The following RPS6KA2 variants were observed in gnomAD, a reference collection of about 807,000 sequenced individuals.
The protein encoded by RPS6KA2 is ribosomal protein S6 kinase alpha-2.
RPS6KA2 carries 42 observed loss-of-function variants against 91.8 expected under a neutral mutation model. The ratio of observed to expected loss-of-function variants is 0.46; its 90% CI spans 0.36 to 0.59. The LOEUF is 0.59. RPS6KA2 is among the 20% of genes least tolerant of loss of function. The pLI, the probability that RPS6KA2 is intolerant of heterozygous loss-of-function variation, is 0.00. For missense variants in RPS6KA2, 798 were observed against 978.5 expected (o/e 0.82, Z 2.46); for synonymous variants, 414 against 393.6 (o/e 1.05, Z -0.61).
In RPS6KA2 at chr6:166,621,112, G is replaced by T. The variant is rs377112937; in HGVS notation, c.99+5809C>A. Among the ~76,000 whole-genome samples, 13 of 152,314 alleles carry T rather than the reference G, an allele frequency of 8.5e-5. No homozygotes were observed. In the East Asian group the frequency reaches 1.5e-3, roughly 18 times the overall value. On this transcript the variant is annotated intron_variant, in intron 1 of 20. Transcript: ENST00000265678. ...GCATTCGCCGAATGGAATCAGGTAGGGCTCTCATATCAGTAGCATTCTTGG... is the reference window on the plus strand; with the variant it reads ...GCATTCGCCGAATGGAATCAGGTAGTGCTCTCATATCAGTAGCATTCTTGG...
intron 2 of RPS6KA2, among the ~76,000 whole-genome samples, chr6:166,684,573 T>G (rs543074720): frequency 1.3e-5 from 2 of 152,256 alleles, no homozygotes; most frequent in Admixed American, 1.3e-4. Context: ...TCACCTGTCC[T>G]GCATCACCAG....
At chr6:166,464,991 A>AAAT (rs1780466331) in intron 11 of RPS6KA2, among the ~76,000 whole-genome samples, 9 of 150,736 alleles carry the variant, frequency 6.0e-5, no homozygotes, top group Non-Finnish European at 8.9e-5. Context: ...TTTACTTAAA[A>AAAT]AAATAAATAA....
At chr6:166,502,735 G>C (rs1451734144) in intron 6 of RPS6KA2, among the ~76,000 whole-genome samples, 1 of 152,216 alleles carries the variant, frequency 6.6e-6, no homozygotes, top group Non-Finnish European at 1.5e-5. Flanking sequence ...AAGGAGAGGC[G>C]AAAGGGGACT....
At chr6:166,641,515 G>A (rs1438295406) in intron 2 of RPS6KA2, among the ~76,000 whole-genome samples, 2 of 151,644 alleles carry the variant, frequency 1.3e-5, no homozygotes, top group African/African-American at 2.4e-5. Flanking sequence ...CTTGAAGTCA[G>A]GAGTTCAAGA....
At chr6:166,816,946 C>T (rs1779780571) in intron 2 of RPS6KA2, among the ~76,000 whole-genome samples, 1 of 152,174 alleles carries the variant, frequency 6.6e-6, no homozygotes, top group African/African-American at 2.4e-5. Context: ...ACCAAGGCCT[C>T]TCACTCCGAG....
Position 166,767,420 on chromosome 6 carries a change from G to C in RPS6KA2, c.123+90780C>G. 6.6e-6 allele frequency among the ~76,000 whole-genome samples: 1 copy of C among 152,086 alleles called. No individual in the cohort carries two copies. Among genetic ancestry groups the C allele is most frequent in the Admixed American group, 6.5e-5 (1 of 15,300 alleles). ...ATCAATGCGGTCCAGAGGTGAAAGC[G>C]TGGTTAGAGGAAGACAAAAAGGACA... is the stretch of plus-strand genomic sequence containing the variant. On this transcript the variant is annotated intron_variant, in intron 2 of 21. Transcript: ENST00000503859. The surrounding 1 kb of genome is among the most constrained non-coding windows in gnomAD (Gnocchi z 4.6).
At chr6:166,630,074 G>A (rs1562353287), upstream of RPS6KA2, among the ~76,000 whole-genome samples, 1 of 152,202 alleles carries the variant, frequency 6.6e-6, no homozygotes, top group Non-Finnish European at 1.5e-5. Context: ...CCTTTGCTCT[G>A]AACCCCTGAG....
At chr6:166,854,733 T>C (rs1780842067) in intron 2 of RPS6KA2, among the ~76,000 whole-genome samples, 1 of 152,224 alleles carries the variant, frequency 6.6e-6, no homozygotes, top group African/African-American at 2.4e-5. Context: ...GGAACGCTTA[T>C]ACACTGTTGG....
In RPS6KA2 at chr6:166,432,407, G is replaced by A; in HGVS notation, c.1416C>T (p.Leu472=). 6.2e-7 allele frequency: 1 copy of A among 1,608,246 alleles called. No homozygotes were observed. The highest frequency in any genetic ancestry group is 8.5e-7 in the Non-Finnish European group (1 of 1,174,810). ...TTGCACGGGGACCACTCACATCCTTGAGGGTGATGATGTTCGGGTGCTGGC... is the reference window on the plus strand; with the variant it reads ...TTGCACGGGGACCACTCACATCCTTAAGGGTGATGATGTTCGGGTGCTGGC... The part of the protein sequence containing the change: ...RYGQHPNIIT[L]KDVYDDGKFV... The change falls in exon 15 of 21, where the codon CTC becomes CTT. Residue 472 remains leucine (L), a synonymous_variant. Coordinates refer to ENST00000265678, the MANE Select transcript of RPS6KA2 (RefSeq NM_021135.6).
At chr6:166,620,771 A>C (rs988199711) in intron 1 of RPS6KA2, among the ~76,000 whole-genome samples, 1 of 152,244 alleles carries the variant, frequency 6.6e-6, no homozygotes, top group Non-Finnish European at 1.5e-5. Flanking sequence ...GCATTTAATA[A>C]ATTGCAGATA....
At chr6:166,680,681 C>G (rs766620417) in intron 2 of RPS6KA2, among the ~76,000 whole-genome samples, 2 of 152,204 alleles carry the variant, frequency 1.3e-5, no homozygotes, top group African/African-American at 2.4e-5. Flanking sequence ...TTCCTAAAGT[C>G]AGCGAGACCA....
At chr6:166,618,527 T>C (rs1187048779) in intron 1 of RPS6KA2, among the ~76,000 whole-genome samples, 1 of 152,058 alleles carries the variant, frequency 6.6e-6, no homozygotes, top group Non-Finnish European at 1.5e-5. Context: ...GAGGTCAGCG[T>C]GGGCAGGGGT....
At chr6:166,649,959 C>T (rs970300254) in intron 2 of RPS6KA2, among the ~76,000 whole-genome samples, 3 of 151,968 alleles carry the variant, frequency 2.0e-5, no homozygotes, top group African/African-American at 4.8e-5. Flanking sequence ...TGGGTCATTG[C>T]GGAGGGTAGA....
chr6:166,498,016 A>C (rs1285414380), intron 8 of RPS6KA2, among the ~76,000 whole-genome samples: 2 of 152,128 alleles, frequency 1.3e-5, no homozygotes, highest in Non-Finnish European at 1.5e-5. Flanking sequence ...AAAGGAGCCC[A>C]CACAGTTCCT....
chr6:166,441,876 C>T (rs1391109191), intron 14 of RPS6KA2, among the ~76,000 whole-genome samples: 2 of 152,220 alleles, frequency 1.3e-5, no homozygotes, highest in Admixed American at 6.5e-5. Flanking sequence ...TGCCGGGGGC[C>T]GGGGGCCGGG....
intron 2 of RPS6KA2, among the ~76,000 whole-genome samples, chr6:166,735,951 T>C (rs889652380): frequency 4.6e-5 from 7 of 152,216 alleles, no homozygotes; most frequent in African/African-American, 1.7e-4. Flanking sequence ...GGTACAAATA[T>C]GATCCAACTG....
rs905832405 is a variant in RPS6KA2 at position 166,733,428 on chromosome 6, G to A, written c.123+124772C>T. Among the ~76,000 whole-genome samples the A allele has an allele frequency of 2.0e-5, 3 of 152,184 alleles. No homozygotes were observed. Among genetic ancestry groups the A allele is most frequent in the African/African-American group, 4.8e-5 (2 of 41,450 alleles). On this transcript the variant is annotated intron_variant, in intron 2 of 21. Coordinates refer to the RPS6KA2 transcript ENST00000503859. The surrounding 1 kb of genome is among the most constrained non-coding windows in gnomAD (Gnocchi z 4.1). Reference sequence around the variant, plus strand: ...TCGTCCAGGAAATTTAGAGGCCAACGAGGGCAGGATCTACTCCCAAAAAGA... The same window carrying A: ...TCGTCCAGGAAATTTAGAGGCCAACAAGGGCAGGATCTACTCCCAAAAAGA...
chr6:166,665,595 G>A lies in RPS6KA2; in HGVS notation c.124-126811C>T, dbSNP rs921874295. ...ACAGATGCAAACTACTTTCAGAAAC[G>A]TGTTCTCTTCTGAAAGACTCCAGAG... On this transcript the variant is annotated intron_variant, in intron 2 of 21. Coordinates refer to the RPS6KA2 transcript ENST00000503859. The surrounding 1 kb of genome is among the most constrained non-coding windows in gnomAD (Gnocchi z 4.5). 6.6e-6 allele frequency among the ~76,000 whole-genome samples: 1 copy of A among 152,132 alleles called. No homozygotes were observed. The highest frequency in any genetic ancestry group is 1.5e-5 in the Non-Finnish European group (1 of 68,034).
At chr6:166,855,330 AAAGACGAAG>A (rs1437046222) in intron 2 of RPS6KA2, among the ~76,000 whole-genome samples, 5 of 67,344 alleles carry the variant, frequency 7.4e-5, no homozygotes, top group African/African-American at 1.1e-4. Flanking sequence ...AAATCTATTA[AAAGACGAAG>A]AAGACGAAGA....
Sources: allele counts gnomAD v4.1 joint callset (sites outside exome capture counted in the v4.1 genomes callset), GRCh38; gene constraint gnomAD v4.1.1; non-coding constraint Gnocchi (gnomAD v3.1); transcripts MANE v1.5; gene names NCBI Gene and HGNC (gene_info 2026-07-23, HGNC 2026-07-21).